Variants in SLC17A8 observed in about 807,000 individuals in gnomAD.
The protein encoded by SLC17A8 is vesicular glutamate transporter 3.
In SLC17A8, 31 loss-of-function variants were observed where a neutral mutation model predicts 58.0. That is an observed-to-expected ratio of 0.53 (90% confidence interval 0.40 to 0.72). SLC17A8 has a LOEUF of 0.72. SLC17A8 is among the 30% of genes least tolerant of loss of function. The pLI is 0.00. For synonymous variants in SLC17A8, 228 were observed against 249.0 expected (o/e 0.92, Z 0.79); for missense variants, 655 against 727.8 (o/e 0.90, Z 1.15).
intron 1 of SLC17A8, among the ~76,000 whole-genome samples, chr12:100,378,814 G>A (rs1952612372): frequency 6.6e-6 from 1 of 152,154 alleles, no homozygotes; most frequent in South Asian, 2.1e-4. Context: ...TTGCTTTAAT[G>A]TTCTGGCACA....
chr12:100,369,028 T>G (rs1296496074), intron 1 of SLC17A8, among the ~76,000 whole-genome samples: 1 of 152,166 alleles, frequency 6.6e-6, no homozygotes, highest in Non-Finnish European at 1.5e-5. Context: ...ATCCCAGCAC[T>G]TTGGGAGGCC....
At chr12:100,359,031 C>G (rs1592983758) in intron 1 of SLC17A8, among the ~76,000 whole-genome samples, 1 of 152,058 alleles carries the variant, frequency 6.6e-6, no homozygotes, top group Non-Finnish European at 1.5e-5. Context: ...ATCTCAGCTT[C>G]CCAAGAAGTG....
rs372598021 is a variant in SLC17A8, at chr12:100,381,126, C to G, written c.354+173C>G. Among the ~76,000 whole-genome samples the G allele has an allele frequency of 0.011, 1,259 of 113,980 alleles. 24 individuals are homozygous for G. Among genetic ancestry groups the G allele is most frequent in the African/African-American group, 0.052 (1,216 of 23,424 alleles). 74.8% of individuals were successfully genotyped at this position (113,980 alleles called of 152,430 possible). ...TTTCAGCATCTCAGATAAGTAGCTCCTCCCATCTCAGCATCTCAGCATCTC... is the reference window on the plus strand; with the variant it reads ...TTTCAGCATCTCAGATAAGTAGCTCGTCCCATCTCAGCATCTCAGCATCTC... On this transcript the variant is annotated intron_variant, in intron 2 of 11. Coordinates refer to ENST00000323346, the MANE Select transcript of SLC17A8 (RefSeq NM_139319.3).
rs532642708 is a variant in SLC17A8, at chr12:100,372,896, T to C, written c.102-7805T>C. On this transcript the variant is annotated intron_variant, in intron 1 of 11. Transcript: ENST00000323346. ...TGGATTTTTAAAATACGTAAAATTA[T>C]CTGCAAGTTCTCTCACTTTGTGCTC... 8.7e-4 allele frequency among the ~76,000 whole-genome samples: 132 copies of C among 152,326 alleles called. 2 individuals carry two copies. Among genetic ancestry groups the C allele is most frequent in the Non-Finnish European group, 1.0e-4 (7 of 68,032 alleles).
In SLC17A8 at chr12:100,373,600, T is replaced by C. The variant is rs958715712; in HGVS notation, c.102-7101T>C. Among the ~76,000 whole-genome samples the C allele has an allele frequency of 2.2e-4, 23 of 103,056 alleles. No homozygotes were observed. The East Asian group carries it at 4.6e-3, about 20-fold the overall frequency. The allele number at this position is 103,056 out of a possible 152,430, so 67.6% of individuals were successfully genotyped here. A position where few individuals can be genotyped will look rare whatever the true frequency, so the allele number is the denominator to read the frequency against. The stretch of plus-strand genomic sequence containing the variant: ...GACTTTTTTTTTTTTTTTTTTTTTT[T>C]CCGAGACAGAGTCTCGCTCTGTCAC... On this transcript the variant is annotated intron_variant, in intron 1 of 11. Transcript: ENST00000323346.
chr12:100,369,550 A>C (rs1952544915), intron 1 of SLC17A8, among the ~76,000 whole-genome samples: 1 of 152,210 alleles, frequency 6.6e-6, no homozygotes, highest in African/African-American at 2.4e-5. Flanking sequence ...TGCATGCTGT[A>C]TCCTCTTCTT....
rs1489283668 is a variant in SLC17A8, at chr12:100,406,788, G to A, written c.1186+2618G>A. On this transcript the variant is annotated intron_variant, in intron 9 of 11. Transcript: ENST00000323346. ...TGACCTCAAGTAATCCGCCCGCCTC[G>A]GCCTTCCAAAGTGCTGGGATTACAG... is the stretch of plus-strand genomic sequence containing the variant. Among the ~76,000 whole-genome samples, 4 of 151,920 alleles carry A rather than the reference G, an allele frequency of 2.6e-5. No individual in the cohort carries two copies. The South Asian group carries it at 6.2e-4, about 24-fold the overall frequency.
chr12:100,385,975 C>T (rs1378726362), intron 2 of SLC17A8, among the ~76,000 whole-genome samples: 1 of 152,128 alleles, frequency 6.6e-6, no homozygotes, highest in African/African-American at 2.4e-5. Context: ...CTCATGTCTG[C>T]CTCCATCTTC....
intron 1 of SLC17A8, among the ~76,000 whole-genome samples, chr12:100,373,710 G>A (rs1236174701): frequency 2.0e-5 from 3 of 150,252 alleles, no homozygotes; most frequent in Non-Finnish European, 4.4e-5. Context: ...TCAGCCTCCC[G>A]AGTAGCTGGG....
At chr12:100,402,897 T>A in intron 8 of SLC17A8, 152 bp downstream of exon 8, 1 of 768,072 alleles carries the variant, frequency 1.3e-6, no homozygotes, top group Non-Finnish European at 2.1e-6. Flanking sequence ...AGTTATACAT[T>A]CTATGCATAG....
chr12:100,393,348 C>A, intron 3 of SLC17A8, 21 bp from the exon 4 acceptor site: 1 of 1,566,794 alleles, frequency 6.4e-7, no homozygotes, highest in Non-Finnish European at 8.8e-7. Context: ...TGCCGAATAA[C>A]ACAATGCTTT....
chr12:100,379,267 T>A (rs937244573), intron 1 of SLC17A8, among the ~76,000 whole-genome samples: 6 of 152,006 alleles, frequency 3.9e-5, no homozygotes, highest in Non-Finnish European at 8.8e-5. Flanking sequence ...AAACCCCGTC[T>A]CTACTAAAAA....
rs941480225 is a variant in SLC17A8 at position 100,417,940 on chromosome 12, T to C, written c.1298-89T>C. ...ATATACTAGAGGAAACCAAACAGAT[T>C]GGTAAAGGCTGGGGCAACTGAGTAT... On this transcript the variant is annotated intron_variant, in intron 10 of 11. Coordinates refer to ENST00000323346, the MANE Select transcript of SLC17A8 (RefSeq NM_139319.3). 10 of 1,545,404 alleles carry C rather than the reference T, an allele frequency of 6.5e-6. No individual in the cohort carries two copies. In the African/African-American group the frequency reaches 1.1e-4, roughly 17 times the overall value.
intron 1 of SLC17A8, among the ~76,000 whole-genome samples, chr12:100,373,996 C>G (rs1418019503): frequency 1.3e-5 from 2 of 152,106 alleles, no homozygotes; most frequent in East Asian, 3.9e-4. Context: ...AAGGAAACAC[C>G]AGGGATGGCA....
At chr12:100,376,330 C>G (rs1362487008) in intron 1 of SLC17A8, among the ~76,000 whole-genome samples, 1 of 152,222 alleles carries the variant, frequency 6.6e-6, no homozygotes, top group Non-Finnish European at 1.5e-5. Context: ...CTGGGCATCT[C>G]TCAGTCCAGA....
rs927341076 is a variant in SLC17A8, at chr12:100,403,986, G to T, written c.1054-52G>T. ...GGAGGTGGGCAAGGGAATTAGGGAG[G>T]CCCCTCTCTCAGAAATAATGACAAA... On this transcript the variant is annotated intron_variant, in intron 8 of 11. Transcript: ENST00000323346. 4.3e-6 allele frequency: 7 copies of T among 1,610,478 alleles called. No individual in the cohort carries two copies. In the Admixed American group the frequency reaches 6.7e-5, roughly 15 times the overall value.
intron 1 of SLC17A8, among the ~76,000 whole-genome samples, chr12:100,364,440 G>A (rs12371195): frequency 0.14 from 21,713 of 152,138 alleles, 1,744 homozygotes; most frequent in Non-Finnish European, 0.18. Context: ...GTTGCTGACC[G>A]CAGCAGGAGC....
chr12:100,391,089 G>T lies in SLC17A8; in HGVS notation c.443G>T (p.Gly148Val). 1 of 1,613,416 alleles carries T rather than the reference G, an allele frequency of 6.2e-7. No individual in the cohort carries two copies. Among genetic ancestry groups the T allele is most frequent in the Non-Finnish European group, 8.5e-7 (1 of 1,179,514 alleles). Residue 148 changes from glycine to valine, a missense_variant, in exon 3 of 12, where the codon GGT becomes GTT. Transcript: ENST00000323346. The stretch of plus-strand genomic sequence containing the variant: ...TATATTATGACACAAATTCCAGGTG[G>T]TTTCATTTCAAACAAGTTTGCTGCT... ...WGYIMTQIPG[G>V]FISNKFAANR...
chr12:100,382,542 CT>C (rs1952645078), intron 2 of SLC17A8, among the ~76,000 whole-genome samples: 1 of 152,206 alleles, frequency 6.6e-6, no homozygotes, highest in African/African-American at 2.4e-5. Flanking sequence ...ATCCGTTCAT[CT>C]GCAGAGAGAC....
Sources: allele counts gnomAD v4.1 joint callset (sites outside exome capture counted in the v4.1 genomes callset), GRCh38; gene constraint gnomAD v4.1.1; transcripts MANE v1.5; gene names NCBI Gene and HGNC (gene_info 2026-07-23, HGNC 2026-07-21).